The following AXDND1 variants were observed in gnomAD, a reference collection of about 807,000 sequenced individuals.
AXDND1 encodes the protein axonemal dynein light chain domain containing 1.
AXDND1 carries 110 observed loss-of-function variants against 137.5 expected under a neutral mutation model. That is an observed-to-expected ratio of 0.80 (90% confidence interval 0.69 to 0.94). The LOEUF is 0.94. Among genes scored for constraint, AXDND1 ranks in the 40% least tolerant of loss-of-function variants. The probability of loss-of-function intolerance (pLI) is 0.00; values close to 1 mark genes in which losing one functional copy is unlikely to be tolerated. For missense variants in AXDND1, 1,191 were observed against 1,169.8 expected, an observed-to-expected ratio of 1.02 and a Z score of -0.26; for synonymous variants, 414 against 399.7, an observed-to-expected ratio of 1.04 and a Z score of -0.43.
intron 11 of AXDND1, among the ~76,000 whole-genome samples, chr1:179,399,897 G>A (rs116235383): frequency 2.2e-3 from 332 of 152,304 alleles, no homozygotes; most frequent in African/African-American, 7.6e-3. Flanking sequence ...CTCCTGCAAG[G>A]ATGGCTATAA....
chr1:179,553,942 TC>T (rs1673692431), intron 25 of AXDND1, among the ~76,000 whole-genome samples: 1 of 143,860 alleles, frequency 7.0e-6, no homozygotes, highest in Non-Finnish European at 1.5e-5. Flanking sequence ...AGATCGAGTC[TC>T]GCTCTGTGGT....
chr1:179,370,350 C>T (rs1212979406), intron 4 of AXDND1, among the ~76,000 whole-genome samples: 3 of 152,142 alleles, frequency 2.0e-5, no homozygotes, highest in Non-Finnish European at 4.4e-5. Context: ...CCTATACTCT[C>T]CTATTCCCTG....
intron 25 of AXDND1, among the ~76,000 whole-genome samples, chr1:179,537,641 G>A (rs1418672274): frequency 1.3e-5 from 2 of 152,134 alleles, no homozygotes; most frequent in Non-Finnish European, 2.9e-5. Flanking sequence ...CAGGGATATT[G>A]GTCAAAAATT....
intron 16 of AXDND1, chr1:179,454,627 T>G (rs1445367128): frequency 6.6e-6 from 1 of 152,254 alleles, no homozygotes; most frequent in East Asian, 1.9e-4. Context: ...CTGATTGGAC[T>G]GTAAATGGGT....
intron 12 of AXDND1, among the ~76,000 whole-genome samples, chr1:179,416,394 T>G (rs36046838): frequency 6.6e-6 from 1 of 152,076 alleles, no homozygotes; most frequent in Non-Finnish European, 1.5e-5. Context: ...TGGTATCTTT[T>G]GATATACTGA....
chr1:179,366,060 C>T, intron 1 of AXDND1, 60 bp downstream of exon 1: 1 of 154,586 alleles, frequency 6.5e-6, no homozygotes, highest in Non-Finnish European at 1.4e-5. Context: ...AACCAAGAAG[C>T]AGTGCGAGGC....
intron 25 of AXDND1, 87 bp from the exon 26 acceptor site, chr1:179,554,425 C>A: frequency 6.2e-7 from 1 of 1,605,948 alleles, no homozygotes; most frequent in Non-Finnish European, 8.5e-7. Flanking sequence ...AAAATGAAAC[C>A]AGAATATTTT....
At chr1:179,387,059 AC>A (rs1457737802) in intron 9 of AXDND1, among the ~76,000 whole-genome samples, 1 of 152,014 alleles carries the variant, frequency 6.6e-6, no homozygotes, top group Non-Finnish European at 1.5e-5. Context: ...TAGTTAGATA[AC>A]TTTTAGTGGT....
intron 13 of AXDND1, among the ~76,000 whole-genome samples, chr1:179,430,126 T>G (rs1394156343): frequency 6.6e-6 from 1 of 151,910 alleles, no homozygotes; most frequent in East Asian, 1.9e-4. Flanking sequence ...ACACAGCCAG[T>G]AATAGCTATA....
rs1372734403 is a variant in AXDND1, at chr1:179,554,642, G to A, written c.*123G>A. On this transcript the variant is annotated 3_prime_UTR_variant, in exon 26 of 26. Transcript: ENST00000367618. ...TAAGGAACAACATTCCCTTTGAAAG[G>A]ACATTATTTGCCTGTTGTATTTAAC... 5 of 1,448,776 alleles carry A rather than the reference G, an allele frequency of 3.5e-6. No homozygotes were observed. In the African/African-American group the frequency reaches 5.6e-5, roughly 16 times the overall value. The allele number at this position is 1,448,776 out of a possible 1,614,324, so 89.7% of individuals were successfully genotyped here. A position where few individuals can be genotyped will look rare whatever the true frequency, so the allele number is the denominator to read the frequency against.
chr1:179,374,831 G>A (rs1344670215), intron 4 of AXDND1, among the ~76,000 whole-genome samples: 1 of 146,724 alleles, frequency 6.8e-6, no homozygotes. Flanking sequence ...GTCGTGGGAT[G>A]GGGGGAGGGG....
At chr1:179,408,872 A>G (rs1653396740) in intron 11 of AXDND1, among the ~76,000 whole-genome samples, 1 of 151,558 alleles carries the variant, frequency 6.6e-6, no homozygotes, top group Non-Finnish European at 1.5e-5. Flanking sequence ...TTTCCCCTAA[A>G]TGTGGTCTTA....
intron 16 of AXDND1, among the ~76,000 whole-genome samples, chr1:179,461,966 A>G (rs2125446863): frequency 6.6e-6 from 1 of 152,282 alleles, no homozygotes; most frequent in South Asian, 2.1e-4. Flanking sequence ...GAGGTTTTCT[A>G]AATATACAAT....
At chr1:179,400,416 T>TG (rs1651777757) in intron 11 of AXDND1, among the ~76,000 whole-genome samples, 1 of 151,008 alleles carries the variant, frequency 6.6e-6, no homozygotes, top group South Asian at 2.1e-4. Context: ...TTTGGGGACT[T>TG]GGGGGAAAGA....
intron 20 of AXDND1, among the ~76,000 whole-genome samples, chr1:179,495,990 G>A (rs1667412257): frequency 6.9e-6 from 1 of 145,646 alleles, no homozygotes; most frequent in Non-Finnish European, 1.5e-5. Flanking sequence ...GTCTTTTTTA[G>A]TGCGTTAATA....
intron 18 of AXDND1, among the ~76,000 whole-genome samples, chr1:179,488,639 CTTTCTT>C (rs1558256535): frequency 0.063 from 3,168 of 50,264 alleles, 268 homozygotes; most frequent in South Asian, 0.1. Context: ...TCTCTCCTTT[CTTTCTT>C]TCTTTCTTTC....
intron 10 of AXDND1, 70 bp from the exon 11 acceptor site, chr1:179,395,028 C>T (rs1650825559): frequency 7.5e-7 from 1 of 1,334,686 alleles, no homozygotes; most frequent in South Asian, 1.3e-5. Flanking sequence ...GAATATAAAT[C>T]TGATTTTCTT....
intron 17 of AXDND1, among the ~76,000 whole-genome samples, chr1:179,481,239 T>G (rs4652398): frequency 0.32 from 48,345 of 151,940 alleles, 8,313 homozygotes; most frequent in Middle Eastern, 0.43. Flanking sequence ...CGATGTTTGG[T>G]TTTTTGTCCT....
intron 11 of AXDND1, among the ~76,000 whole-genome samples, chr1:179,403,704 G>T (rs1652473978): frequency 6.6e-6 from 1 of 152,314 alleles, no homozygotes; most frequent in East Asian, 1.9e-4. Flanking sequence ...CTCCTGAATA[G>T]CTGGGATTTC....
Sources: gnomAD v4.1 joint callset for allele counts (sites outside exome capture counted in the v4.1 genomes callset) on GRCh38, gnomAD v4.1.1 for gene constraint, MANE v1.5 for transcripts, NCBI Gene and HGNC (gene_info 2026-07-23, HGNC 2026-07-21) for gene names.